Variants in FAM120C observed in about 807,000 individuals in gnomAD.
The protein encoded by FAM120C is constitutive coactivator of PPAR-gamma-like protein 2.
Under a neutral mutation model 71.2 loss-of-function variants are expected in FAM120C, and 14 were observed. That is an observed-to-expected ratio of 0.20 (90% CI 0.13 to 0.31). FAM120C has a LOEUF of 0.31. Ranked by LOEUF, FAM120C falls within the 10% of genes least tolerant of loss-of-function variation. FAM120C has a pLI of 1.00. For synonymous variants in FAM120C, 354 were observed against 353.2 expected (o/e 1.00, Z -0.03); for missense variants, 500 against 879.0 (o/e 0.57, Z 5.45).
Position 54,157,685 on chromosome X carries a change from T to C in FAM120C, c.1029+4A>G. 4 of 1,197,492 alleles carry C rather than the reference T, an allele frequency of 3.3e-6. No individual in the cohort carries two copies. Among genetic ancestry groups the C allele is most frequent in the Non-Finnish European group, 4.5e-6 (4 of 883,322 alleles). ...CTGTATAGGCAAGAAATAGGAAACA[T>C]TACCTTAAGTGATGCAAGAGGATGT... On this transcript the variant is annotated splice_donor_region_variant and intron_variant, in intron 3 of 15. Coordinates refer to ENST00000375180, the MANE Select transcript of FAM120C (RefSeq NM_017848.6).
chrX:54,129,480 C>T (rs1451155008), intron 9 of FAM120C, among the ~76,000 whole-genome samples: 2 of 106,744 alleles, frequency 1.9e-5, no homozygotes, highest in African/African-American at 6.9e-5. Context: ...GGAAGAGGCG[C>T]TCCTCACTTC....
At chrX:54,147,507 A>T (rs2067163307) in intron 4 of FAM120C, 1 of 110,528 alleles carries the variant, frequency 9.0e-6, no homozygotes, top group Non-Finnish European at 1.9e-5. Context: ...AATAAAGTAT[A>T]ACTGGAGTGC....
Position 54,159,518 on chromosome X carries a change from G to C in FAM120C, c.798C>G (p.Leu266=). The change falls in exon 2 of 16, where the codon CTC becomes CTG. Residue 266 remains leucine, a synonymous_variant. Coordinates refer to ENST00000375180, the MANE Select transcript of FAM120C (RefSeq NM_017848.6). ...AACTGTAGTAAGAGGGAATATTGTAGAGAGCATACTCGGAGTCATGGGCAA... is the reference window on the plus strand; with the variant it reads ...AACTGTAGTAAGAGGGAATATTGTACAGAGCATACTCGGAGTCATGGGCAA... ...GLLAHDSEYA[L]YNIPSYYSSH... The C allele has an allele frequency of 8.3e-7, 1 of 1,211,123 alleles. No individual in the cohort carries two copies.
chrX:54,080,439 C>T, intron 14 of FAM120C, 150 bp from the exon 15 acceptor site: 2 of 477,864 alleles, frequency 4.2e-6, no homozygotes, highest in Non-Finnish European at 7.2e-6. Flanking sequence ...CTATCTTGGT[C>T]ATTCCTATAT....
At chrX:54,087,058 A>T (rs1276953764) in intron 12 of FAM120C, among the ~76,000 whole-genome samples, 1 of 109,570 alleles carries the variant, frequency 9.1e-6, no homozygotes, top group African/African-American at 3.3e-5. Context: ...ATGTTTCATT[A>T]AAAAAAATCC....
At position 54,161,911 on chromosome X, in the gene FAM120C, C is replaced by T. The variant is rs782142235; in HGVS notation, c.700-2295G>A. On this transcript the variant is annotated intron_variant, in intron 1 of 15. Coordinates refer to ENST00000375180, the MANE Select transcript of FAM120C (RefSeq NM_017848.6). ...CCTCCCAAAGTGCTGGGATTACAGGCGTGAGCCACTGTACCCAGCCTGGAA... is the reference window on the plus strand; with the variant it reads ...CCTCCCAAAGTGCTGGGATTACAGGTGTGAGCCACTGTACCCAGCCTGGAA... 6.2e-5 allele frequency among the ~76,000 whole-genome samples: 7 copies of T among 112,860 alleles called. No individual in the cohort carries two copies. In the South Asian group the frequency reaches 2.2e-3, roughly 35 times the overall value.
chrX:54,076,811 C>G (rs2066738089), intron 15 of FAM120C, among the ~76,000 whole-genome samples: 1 of 111,844 alleles, frequency 8.9e-6, no homozygotes, highest in Admixed American at 9.5e-5. Context: ...GCTCACTAAG[C>G]CTGGGCACAG....
At chrX:54,104,255 T>C (rs1169144316) in intron 10 of FAM120C, among the ~76,000 whole-genome samples, 1 of 111,276 alleles carries the variant, frequency 9.0e-6, no homozygotes, top group Admixed American at 9.7e-5. Context: ...CCTCAAACTG[T>C]ATCAACCTTT....
At chrX:54,085,519 G>A (rs1197287425) in intron 13 of FAM120C, among the ~76,000 whole-genome samples, 196 bp downstream of exon 13, 8 of 108,267 alleles carry the variant, frequency 7.4e-5, no homozygotes, top group African/African-American at 2.0e-4. Context: ...CCCAGGAGGC[G>A]GAGGTTGCAG....
At chrX:54,148,866 A>G (rs915741431) in intron 4 of FAM120C, among the ~76,000 whole-genome samples, 3 of 112,093 alleles carry the variant, frequency 2.7e-5, no homozygotes, top group Non-Finnish European at 5.6e-5. Flanking sequence ...GAGGTAATAT[A>G]TATGTTAATT....
chrX:54,179,145 C>T (rs1557137020), intron 1 of FAM120C, among the ~76,000 whole-genome samples: 1 of 112,129 alleles, frequency 8.9e-6, no homozygotes, highest in African/African-American at 3.2e-5. Flanking sequence ...ATTTACAAAG[C>T]TTTGCAGAGC....
intron 13 of FAM120C, 105 bp downstream of exon 13, chrX:54,085,610 A>T: frequency 1.3e-6 from 1 of 745,639 alleles, no homozygotes; most frequent in Admixed American, 3.5e-5. Context: ...AGTCAATGAG[A>T]TGAGATATAT....
At chrX:54,074,487 C>T (rs1212280553) in intron 15 of FAM120C, among the ~76,000 whole-genome samples, 5 of 112,600 alleles carry the variant, frequency 4.4e-5, no homozygotes, top group Non-Finnish European at 7.5e-5. Context: ...GGCACGAACT[C>T]GGCTCACCGC....
At position 54,069,924 on chromosome X, in the gene FAM120C, C is replaced by T. The variant is rs1664251313; in HGVS notation, c.*3109G>A. 1 of 111,673 alleles carries T rather than the reference C, an allele frequency of 9.0e-6. No homozygotes were observed. Among genetic ancestry groups the T allele is most frequent in the African/African-American group, 3.3e-5 (1 of 30,689 alleles). The allele number at this position is 111,673 out of a possible 1,213,427, so 9.2% of individuals were successfully genotyped here. On this transcript the variant is annotated 3_prime_UTR_variant, in exon 16 of 16. Coordinates refer to ENST00000375180, the MANE Select transcript of FAM120C (RefSeq NM_017848.6). ...AAGTCCTTGGGGATCAGTGACTATA[C>T]ACAACCAGTGTTTTGCTTATGGTCC... is the stretch of plus-strand genomic sequence containing the variant.
At chrX:54,162,449 C>G (rs782613662) in intron 1 of FAM120C, among the ~76,000 whole-genome samples, 1 of 111,926 alleles carries the variant, frequency 8.9e-6, no homozygotes, top group Non-Finnish European at 1.9e-5. Flanking sequence ...AGTCACAGAA[C>G]TAATTTGACA....
chrX:54,138,532 T>C (rs182875747), intron 4 of FAM120C, among the ~76,000 whole-genome samples: 1 of 98,743 alleles, frequency 1.0e-5, no homozygotes, highest in African/African-American at 3.8e-5. Context: ...CATATAAAGT[T>C]CAGGTAAAGG....
intron 5 of FAM120C, 94 bp from the exon 6 acceptor site, chrX:54,135,698 T>C (rs2067091154): frequency 1.5e-6 from 1 of 667,554 alleles, no homozygotes. Flanking sequence ...AAAGTGTTAT[T>C]AATAAATAAG....
intron 10 of FAM120C, among the ~76,000 whole-genome samples, chrX:54,110,461 G>A (rs1217005717): frequency 9.1e-6 from 1 of 110,413 alleles, no homozygotes; most frequent in African/African-American, 3.3e-5. Flanking sequence ...TAAAAAAGAT[G>A]GAAAAATCAA....
Position 54,072,851 on chromosome X carries a change from C to T in FAM120C, c.*182G>A. ...TGACCAGAACTTCTCCAGAAACAGACCACTGAATCTGAAGTCCCAGAAACA... is the reference window on the plus strand; with the variant it reads ...TGACCAGAACTTCTCCAGAAACAGATCACTGAATCTGAAGTCCCAGAAACA... On this transcript the variant is annotated 3_prime_UTR_variant, in exon 16 of 16. Transcript: ENST00000375180. 2.1e-6 allele frequency: 1 copy of T among 474,698 alleles called. No individual in the cohort carries two copies. Among genetic ancestry groups the T allele is most frequent in the Non-Finnish European group, 3.4e-6 (1 of 295,714 alleles). 39.1% of individuals were successfully genotyped at this position (474,698 alleles called of 1,213,427 possible). A position where few individuals can be genotyped will look rare whatever the true frequency, so the allele number is the denominator to read the frequency against.
Sources: allele counts gnomAD v4.1 joint callset (sites outside exome capture counted in the v4.1 genomes callset), GRCh38; gene constraint gnomAD v4.1.1; transcripts MANE v1.5; gene names NCBI Gene and HGNC (gene_info 2026-07-23, HGNC 2026-07-21).